Variants in PDE6D observed in about 807,000 individuals in gnomAD.
The protein encoded by PDE6D is phosphodiesterase 6D.
A neutral mutation model predicts 21.9 loss-of-function variants in PDE6D; 10 were observed. The ratio of observed to expected loss-of-function variants is 0.46; its 90% CI spans 0.28 to 0.78. The LOEUF (loss-of-function observed/expected upper bound fraction) is 0.78, where lower values mean the gene tolerates loss of function less well. Ranked by LOEUF, PDE6D falls within the 30% of genes least tolerant of loss-of-function variation. The pLI is 0.12. For synonymous variants in PDE6D, 59 were observed against 63.5 expected, an observed-to-expected ratio of 0.93 and a Z score of 0.34; for missense variants, 139 against 184.8, an observed-to-expected ratio of 0.75 and a Z score of 1.44.
intron 4 of PDE6D, among the ~76,000 whole-genome samples, chr2:231,733,435 C>A (rs1248368729): frequency 6.6e-6 from 1 of 152,166 alleles, no homozygotes; most frequent in African/African-American, 2.4e-5. Flanking sequence ...ACAGTACTCA[C>A]AATAGTCGAA....
At chr2:231,733,824 G>A (rs1253286057) in intron 4 of PDE6D, among the ~76,000 whole-genome samples, 2 of 151,120 alleles carry the variant, frequency 1.3e-5, no homozygotes, top group African/African-American at 4.9e-5. Flanking sequence ...TTTCTTGGTG[G>A]GTATCTCGGT....
chr2:231,750,481 C>CATTTTTTTTTTTT (rs1553557786), intron 1 of PDE6D, among the ~76,000 whole-genome samples: 2 of 133,562 alleles, frequency 1.5e-5, no homozygotes, highest in Non-Finnish European at 3.2e-5. Flanking sequence ...ATCCATATCA[C>CATTTTTTTTTTTT]TTTTTTTTTT....
intron 1 of PDE6D, among the ~76,000 whole-genome samples, chr2:231,751,472 G>T (rs902813821): frequency 6.6e-6 from 1 of 152,172 alleles, no homozygotes; most frequent in Non-Finnish European, 1.5e-5. Flanking sequence ...TTATAGAAAA[G>T]TTGCAAAATA....
chr2:231,778,024 T>C (rs2049071012), intron 1 of PDE6D, among the ~76,000 whole-genome samples: 1 of 152,140 alleles, frequency 6.6e-6, no homozygotes, highest in East Asian at 1.9e-4. Flanking sequence ...TCCCAGCACT[T>C]TGGGAGGCAG....
intron 4 of PDE6D, among the ~76,000 whole-genome samples, chr2:231,734,704 G>A (rs1369868695): frequency 2.0e-5 from 3 of 150,182 alleles, no homozygotes; most frequent in East Asian, 2.0e-4. Flanking sequence ...AAAAATAGCC[G>A]GGCGTGGTGG....
At chr2:231,764,812 A>G (rs2048957190) in intron 1 of PDE6D, among the ~76,000 whole-genome samples, 1 of 152,240 alleles carries the variant, frequency 6.6e-6, no homozygotes, top group Non-Finnish European at 1.5e-5. Flanking sequence ...TTCTACTGAC[A>G]CTATATTATT....
chr2:231,733,036 G>GT lies in PDE6D; in HGVS notation c.372-4dup. 1 of 1,589,356 alleles carries GT rather than the reference G, an allele frequency of 6.3e-7. No individual in the cohort carries two copies. The highest frequency in any genetic ancestry group is 1.7e-5 in the Admixed American group (1 of 59,936). ...TTGTTTCTATGATAACGTTCCCACTGTAAGTAAGAAGAGAAACAGAGGGCA... is the reference window on the plus strand; with the variant it reads ...TTGTTTCTATGATAACGTTCCCACTGTTAAGTAAGAAGAGAAACAGAGGGCA... On this transcript the variant is annotated splice_polypyrimidine_tract_variant and splice_region_variant and intron_variant, in intron 4 of 4. Transcript: ENST00000287600.
chr2:231,749,816 G>A (rs756146859), intron 1 of PDE6D, among the ~76,000 whole-genome samples: 3 of 152,118 alleles, frequency 2.0e-5, no homozygotes, highest in Non-Finnish European at 4.4e-5. Context: ...TTACAGGCGT[G>A]AGCTACCGTG....
chr2:231,770,652 T>C (rs1027138379), intron 1 of PDE6D, among the ~76,000 whole-genome samples: 1 of 151,852 alleles, frequency 6.6e-6, no homozygotes, highest in Non-Finnish European at 1.5e-5. Context: ...ATCTGGTCTC[T>C]AAAAAAATAA....
In PDE6D at chr2:231,739,083, A is replaced by G; in HGVS notation, c.139+17T>C. ...GCATTGGTCACAGCCCTGTGTAGATAAAGGGTTGGAAAGTACCTTCATGCT... is the reference window on the plus strand; with the variant it reads ...GCATTGGTCACAGCCCTGTGTAGATGAAGGGTTGGAAAGTACCTTCATGCT... On this transcript the variant is annotated intron_variant, in intron 2 of 4. Coordinates refer to ENST00000287600, the MANE Select transcript of PDE6D (RefSeq NM_002601.4). This position sits in a 1 kb window ranked among gnomAD's most constrained non-coding sequence, Gnocchi z 4.2. 4 of 1,543,752 alleles carry G rather than the reference A, an allele frequency of 2.6e-6. No homozygotes were observed. Among genetic ancestry groups the G allele is most frequent in the Non-Finnish European group, 3.6e-6 (4 of 1,119,810 alleles).
At chr2:231,747,732 CTT>C (rs2048805905) in intron 1 of PDE6D, among the ~76,000 whole-genome samples, 1 of 152,180 alleles carries the variant, frequency 6.6e-6, no homozygotes, top group Non-Finnish European at 1.5e-5. Flanking sequence ...ACAAAAGCCT[CTT>C]AACTCTTTCT....
At chr2:231,779,724 G>A (rs2049087684) in intron 1 of PDE6D, among the ~76,000 whole-genome samples, 1 of 152,190 alleles carries the variant, frequency 6.6e-6, no homozygotes, top group South Asian at 2.1e-4. Flanking sequence ...ATCACAGATG[G>A]TAGTATGCAA....
At chr2:231,738,767 T>G (rs1156757708) in intron 2 of PDE6D, among the ~76,000 whole-genome samples, 1 of 151,462 alleles carries the variant, frequency 6.6e-6, no homozygotes, top group East Asian at 1.9e-4. Context: ...AATACAAAAA[T>G]TAGCCAGATG....
chr2:231,765,936 TA>T (rs2048967650), intron 1 of PDE6D, among the ~76,000 whole-genome samples: 1 of 152,346 alleles, frequency 6.6e-6, no homozygotes, highest in South Asian at 2.1e-4. Context: ...AAATACCACT[TA>T]TGTCAGAGCC....
Position 231,739,151 on chromosome 2 carries a change from T to C in PDE6D, c.88A>G (p.Ile30Val). Reference sequence around the variant, plus strand: ...AGGTCTTCTGTTCCTTGCCAGAGTATCTTCCCTGTCTCAGCATCCCGAAGG... The same window carrying C: ...AGGTCTTCTGTTCCTTGCCAGAGTACCTTCCCTGTCTCAGCATCCCGAAGG... ...MNLRDAETGK[I>V]LWQGTEDLSV... Residue 30 changes from isoleucine to valine, a missense_variant, in exon 2 of 5, where the codon ATA (isoleucine) becomes GTA (valine). Physicochemically the swap from Ile to Val is conservative, Grantham distance 29. Transcript: ENST00000287600. The surrounding 1 kb of genome is among the most constrained non-coding windows in gnomAD (Gnocchi z 4.2). 3.1e-6 allele frequency: 5 copies of C among 1,613,290 alleles called. No homozygotes were observed. The highest frequency in any genetic ancestry group is 4.2e-6 in the Non-Finnish European group (5 of 1,179,272).
intron 1 of PDE6D, among the ~76,000 whole-genome samples, chr2:231,764,591 G>A (rs1178195728): frequency 1.3e-5 from 2 of 152,192 alleles, no homozygotes; most frequent in Non-Finnish European, 2.9e-5. Flanking sequence ...AGGCCAGCAT[G>A]TGTAACAAAT....
chr2:231,752,924 C>T lies in PDE6D; in HGVS notation c.51-13736G>A, dbSNP rs561415878. Among the ~76,000 whole-genome samples the T allele has an allele frequency of 7.3e-5, 11 of 149,852 alleles. No individual in the cohort carries two copies. The South Asian group carries it at 2.1e-3, about 29-fold the overall frequency. On this transcript the variant is annotated intron_variant, in intron 1 of 4. Coordinates refer to ENST00000287600, the MANE Select transcript of PDE6D (RefSeq NM_002601.4). Reference sequence around the variant, plus strand: ...TCTCAGCTCACTGCAAGCTTCGCCTCCCAGTTCACCCGTTCTCCTGCCTCA... The same window carrying T: ...TCTCAGCTCACTGCAAGCTTCGCCTTCCAGTTCACCCGTTCTCCTGCCTCA...
At chr2:231,765,117 A>G (rs1183646940) in intron 1 of PDE6D, among the ~76,000 whole-genome samples, 1 of 151,976 alleles carries the variant, frequency 6.6e-6, no homozygotes, top group African/African-American at 2.4e-5. Flanking sequence ...AAAAAAAAAA[A>G]AAGACAAATT....
chr2:231,739,751 C>A lies in PDE6D; in HGVS notation c.51-563G>T, dbSNP rs187308129. Among the ~76,000 whole-genome samples the A allele has an allele frequency of 1.8e-3, 268 of 152,084 alleles. 3 individuals are homozygous for A. Among genetic ancestry groups the A allele is most frequent in the Admixed American group, 0.016 (246 of 15,256 alleles). ...GGTTCAAGCAATTCTTGTGCCTCAG[C>A]CTCCTGAGTAGCTGGAATTATAGGA... On this transcript the variant is annotated intron_variant, in intron 1 of 4. Transcript: ENST00000287600. The surrounding 1 kb of genome is among the most constrained non-coding windows in gnomAD (Gnocchi z 4.2).
Sources: gnomAD v4.1 joint callset for allele counts (sites outside exome capture counted in the v4.1 genomes callset) on GRCh38, gnomAD v4.1.1 for gene constraint, Gnocchi (gnomAD v3.1) non-coding constraint, MANE v1.5 for transcripts, NCBI Gene and HGNC (gene_info 2026-07-23, HGNC 2026-07-21) for gene names.